Variants in MDN1 observed in about 807,000 individuals in gnomAD.
The protein encoded by MDN1 is midasin.
MDN1 carries 266 observed loss-of-function variants against 669.2 expected under a neutral mutation model. The ratio of observed to expected loss-of-function variants is 0.40; its 90% CI spans 0.36 to 0.44. The LOEUF is 0.44. Ranked by LOEUF, MDN1 falls within the 20% of genes least tolerant of loss-of-function variation. The pLI is 1.00. For missense variants in MDN1, 5,940 were observed against 6,754.0 expected, an observed-to-expected ratio of 0.88 and a Z score of 4.22; for synonymous variants, 2,385 against 2,457.1, an observed-to-expected ratio of 0.97 and a Z score of 0.87.
chr6:89,708,753 G>A, intron 50 of MDN1, 125 bp from the exon 51 acceptor site: 1 of 1,034,320 alleles, frequency 9.7e-7, no homozygotes, highest in East Asian at 2.4e-5. Context: ...GGAAGAGGTT[G>A]AACCAGTAAA....
intron 1 of MDN1, among the ~76,000 whole-genome samples, chr6:89,810,378 G>A (rs1435262996): frequency 6.6e-6 from 1 of 152,236 alleles, no homozygotes; most frequent in Admixed American, 6.5e-5. Flanking sequence ...AGAGGGTGCA[G>A]TGAACCGAGA....
In MDN1 at chr6:89,698,477, G is replaced by A. The variant is rs556381073; in HGVS notation, c.9168+388C>T. 1.2e-4 allele frequency among the ~76,000 whole-genome samples: 18 copies of A among 151,838 alleles called. No homozygotes were observed. The East Asian group carries it at 3.5e-3, about 29-fold the overall frequency. On this transcript the variant is annotated intron_variant, in intron 59 of 101. Coordinates refer to ENST00000369393, the MANE Select transcript of MDN1 (RefSeq NM_014611.3). ...ATACACATTTCTGTTACATATATGT[G>A]TACTTAATTCTTGTTTACGTATGTA...
chr6:89,662,854 CAT>C lies in MDN1; in HGVS notation c.14348_14349del (p.Asp4783GlyfsTer5). On this transcript the variant is annotated frameshift_variant, in exon 86 of 102. Transcript: ENST00000369393. LOFTEE classifies it high-confidence loss of function. ...KLDERLWGDD[D>X]EEEDEEEEDN... is the part of the protein sequence containing the mutation. Reference sequence around the variant, plus strand: ...TCTTCTTCCTCCTCATCTTCCTCCTCATCATCATCACCCCAAAGCCTCTCATC... The same window carrying C: ...TCTTCTTCCTCCTCATCTTCCTCCTCCATCATCACCCCAAAGCCTCTCATC... The C allele has an allele frequency of 2.5e-6, 4 of 1,613,414 alleles. No individual in the cohort carries two copies. The highest frequency in any genetic ancestry group is 1.1e-5 in the South Asian group (1 of 91,028).
chr6:89,688,251 C>A, intron 66 of MDN1, 78 bp from the exon 67 acceptor site: 2 of 1,271,272 alleles, frequency 1.6e-6, no homozygotes, highest in Non-Finnish European at 2.3e-6. Context: ...AGAGTCCTGA[C>A]CAGAAGATTC....
intron 9 of MDN1, 51 bp downstream of exon 9, chr6:89,784,961 G>A (rs546707356): frequency 5.0e-5 from 60 of 1,196,114 alleles, no homozygotes; most frequent in East Asian, 2.1e-4. Context: ...CCTATTTCAC[G>A]CGGGAGCCAC....
Position 89,654,237 on chromosome 6 carries a change from C to G in MDN1, c.15588G>C (p.Gln5196His). The part of the protein sequence containing the change: ...IEDTLMDTEE[Q>H]EEFKAADVEQ... Reference sequence around the variant, plus strand: ...CCACGTCTGCTGCTTTGAACTCCTCCTGCTCCTCTGTGTCCATAAGGGTGT... The same window carrying G: ...CCACGTCTGCTGCTTTGAACTCCTCGTGCTCCTCTGTGTCCATAAGGGTGT... Residue 5196 changes from glutamine to histidine, a missense_variant, in exon 93 of 102, where the codon CAG becomes CAC. Gln to His is a conservative substitution (Grantham distance 24, BLOSUM62 0). This residue lies in a region of MDN1 where 2,280 missense variants were observed against 2,576.3 expected (regional missense o/e 0.88). Transcript: ENST00000369393. 1 of 1,614,248 alleles carries G rather than the reference C, an allele frequency of 6.2e-7. No individual in the cohort carries two copies. The highest frequency in any genetic ancestry group is 8.5e-7 in the Non-Finnish European group (1 of 1,180,046).
chr6:89,735,370 C>CTTTT (rs775653908), intron 33 of MDN1, among the ~76,000 whole-genome samples: 1 of 122,516 alleles, frequency 8.2e-6, no homozygotes, highest in Non-Finnish European at 1.8e-5. Context: ...ATCACAGAAC[C>CTTTT]TTTTTTTTTT....
intron 32 of MDN1, among the ~76,000 whole-genome samples, chr6:89,738,673 C>T (rs1259222588): frequency 6.6e-6 from 1 of 152,166 alleles, no homozygotes; most frequent in Non-Finnish European, 1.5e-5. Flanking sequence ...TCTTAATAGA[C>T]GTGGTCCAGA....
At chr6:89,755,524 T>G (rs1477023162) in intron 20 of MDN1, among the ~76,000 whole-genome samples, 1 of 152,218 alleles carries the variant, frequency 6.6e-6, no homozygotes, top group African/African-American at 2.4e-5. Context: ...CCAGGATTTT[T>G]GTCTGCCTTA....
intron 100 of MDN1, among the ~76,000 whole-genome samples, 168 bp from the exon 101 acceptor site, chr6:89,645,325 G>T (rs1370511219): frequency 6.6e-6 from 1 of 152,204 alleles, no homozygotes; most frequent in African/African-American, 2.4e-5. Context: ...GACCTCTGAT[G>T]AGATCTATCC....
rs527873184 is a variant in MDN1 at position 89,774,673 on chromosome 6, C to T, written c.1882G>A (p.Val628Met). 2 of 1,613,778 alleles carry T rather than the reference C, an allele frequency of 1.2e-6. No individual in the cohort carries two copies. The highest frequency in any genetic ancestry group is 2.7e-5 in the African/African-American group (2 of 75,036). Reference protein sequence around the residue: ...EIVINELDLQVGRVRLLRKQS... With the variant: ...EIVINELDLQMGRVRLLRKQS... Reference sequence around the variant, plus strand: ...TTCCGTAGAAGCCGCACTCGACCCACTTGCAAATCTAGCTCATTGATCACA... The same window carrying T: ...TTCCGTAGAAGCCGCACTCGACCCATTTGCAAATCTAGCTCATTGATCACA... The change falls in exon 13 of 102, where the codon GTG becomes ATG. Residue 628 changes from valine to methionine, a missense_variant. Transcript: ENST00000369393.
At position 89,776,605 on chromosome 6, in the gene MDN1, T is replaced by C. The variant is rs1438179132; in HGVS notation, c.1816A>G (p.Lys606Glu). 3 of 1,606,256 alleles carry C rather than the reference T, an allele frequency of 1.9e-6. No homozygotes were observed. Among genetic ancestry groups the C allele is most frequent in the African/African-American group, 1.3e-5 (1 of 74,628 alleles). The change falls in exon 12 of 102, where the codon AAA becomes GAA. Residue 606 changes from lysine (K) to glutamate (E), a missense_variant. Coordinates refer to ENST00000369393, the MANE Select transcript of MDN1 (RefSeq NM_014611.3). Reference protein sequence around the residue: ...VIGSKLNISRKKAEFFCQLYK... With the variant: ...VIGSKLNISREKAEFFCQLYK... The stretch of plus-strand genomic sequence containing the variant: ...TAAAAAAACAGCACACATACCTTTT[T>C]TCTAGAAATGTTCAATTTGCTTCCA...
intron 20 of MDN1, among the ~76,000 whole-genome samples, chr6:89,754,493 G>A (rs565590308): frequency 6.6e-6 from 1 of 152,266 alleles, no homozygotes; most frequent in South Asian, 2.1e-4. Context: ...TAGCAAAAAG[G>A]TACTGATAAA....
chr6:89,784,568 T>G (rs1818856642), intron 9 of MDN1, among the ~76,000 whole-genome samples: 1 of 152,146 alleles, frequency 6.6e-6, no homozygotes, highest in African/African-American at 2.4e-5. Context: ...ACCACAATAC[T>G]AGAAACTGAA....
At position 89,725,123 on chromosome 6, in the gene MDN1, T is replaced by C. The variant is rs1446592329; in HGVS notation, c.5670+76A>G. On this transcript the variant is annotated intron_variant, in intron 38 of 101. Transcript: ENST00000369393. ...TCCTCTCTAATTCTCATAGTGAATA[T>C]CCTTAAAGGCTTCATAATAGTAGTC... 4 of 1,345,190 alleles carry C rather than the reference T, an allele frequency of 3.0e-6. No homozygotes were observed. In the East Asian group the frequency reaches 6.9e-5, roughly 23 times the overall value. 83.3% of individuals were successfully genotyped at this position (1,345,190 alleles called of 1,614,324 possible). A position where few individuals can be genotyped will look rare whatever the true frequency, so the allele number is the denominator to read the frequency against.
intron 33 of MDN1, among the ~76,000 whole-genome samples, chr6:89,737,660 T>C (rs1190157479): frequency 6.6e-6 from 1 of 151,918 alleles, no homozygotes; most frequent in Non-Finnish European, 1.5e-5. Flanking sequence ...ATTTAATTAA[T>C]TAATTAATTT....
At chr6:89,711,393 G>A (rs1356873769) in intron 49 of MDN1, among the ~76,000 whole-genome samples, 2 of 151,756 alleles carry the variant, frequency 1.3e-5, no homozygotes, top group Non-Finnish European at 2.9e-5. Context: ...TTAAAACAAC[G>A]TACTACAACA....
chr6:89,686,421 T>A (rs1261286408), intron 69 of MDN1, among the ~76,000 whole-genome samples: 5 of 145,786 alleles, frequency 3.4e-5, no homozygotes, highest in African/African-American at 1.2e-4. Context: ...CAGGACTCTG[T>A]CTCAAAAAAA....
chr6:89,755,962 A>T (rs911983214), intron 20 of MDN1, among the ~76,000 whole-genome samples: 1 of 152,228 alleles, frequency 6.6e-6, no homozygotes, highest in African/African-American at 2.4e-5. Flanking sequence ...TTCAAGACAG[A>T]TTCAAAACGC....
Sources: allele counts gnomAD v4.1 joint callset (sites outside exome capture counted in the v4.1 genomes callset), GRCh38; gene constraint gnomAD v4.1.1; regional missense constraint gnomAD v4.1.1; transcripts MANE v1.5; gene names NCBI Gene and HGNC (gene_info 2026-07-23, HGNC 2026-07-21).